Variants in ATP8A2 observed in about 807,000 individuals in gnomAD.
ATP8A2 encodes the protein phospholipid-transporting ATPase IB.
ATP8A2 carries 100 observed loss-of-function variants against 165.6 expected under a neutral mutation model. The observed-to-expected ratio is 0.60, with a 90% CI of 0.51 to 0.71. The LOEUF (loss-of-function observed/expected upper bound fraction) is 0.71. Among genes scored for constraint, ATP8A2 ranks in the 30% least tolerant of loss-of-function variants. ATP8A2 has a pLI of 0.00. For missense variants in ATP8A2, 1,227 were observed against 1,479.5 expected (o/e 0.83, Z 2.80); for synonymous variants, 543 against 548.8 (o/e 0.99, Z 0.15).
At chr13:25,711,166 A>G (rs2043150876) in intron 25 of ATP8A2, among the ~76,000 whole-genome samples, 1 of 152,006 alleles carries the variant, frequency 6.6e-6, no homozygotes, top group Non-Finnish European at 1.5e-5. Flanking sequence ...CACCACACCC[A>G]GCTAATTTTT....
intron 24 of ATP8A2, among the ~76,000 whole-genome samples, chr13:25,656,480 T>A (rs2041930032): frequency 6.6e-6 from 1 of 151,970 alleles, no homozygotes; most frequent in African/African-American, 2.4e-5. Flanking sequence ...TTGACCATGT[T>A]GGCCAGGCTG....
chr13:25,563,480 T>C (rs1244431576), intron 15 of ATP8A2, among the ~76,000 whole-genome samples: 2 of 152,226 alleles, frequency 1.3e-5, no homozygotes, highest in Non-Finnish European at 2.9e-5. Flanking sequence ...TTCTTCAATG[T>C]GATAGCTCAC....
chr13:25,824,261 T>C (rs1951253878), intron 27 of ATP8A2, among the ~76,000 whole-genome samples: 1 of 152,214 alleles, frequency 6.6e-6, no homozygotes, highest in Non-Finnish European at 1.5e-5. Flanking sequence ...CATGAGTCAC[T>C]GAACCCTGCT....
At chr13:25,996,627 G>T (rs1956511767) in intron 35 of ATP8A2, among the ~76,000 whole-genome samples, 1 of 152,080 alleles carries the variant, frequency 6.6e-6, no homozygotes, top group Non-Finnish European at 1.5e-5. Flanking sequence ...TGGCGTTCAA[G>T]CAATTCTCCT....
At chr13:25,379,783 C>T (rs191793003) in intron 1 of ATP8A2, among the ~76,000 whole-genome samples, 13 of 152,240 alleles carry the variant, frequency 8.5e-5, no homozygotes, top group African/African-American at 2.4e-4. Flanking sequence ...CCCAGCGTGC[C>T]GTGTCCCCAG....
At chr13:25,713,390 A>G (rs1431640816) in intron 25 of ATP8A2, among the ~76,000 whole-genome samples, 3 of 152,206 alleles carry the variant, frequency 2.0e-5, no homozygotes, top group African/African-American at 7.2e-5. Context: ...TGTGCATGAA[A>G]GGATATTGAT....
chr13:25,981,093 A>G (rs1286602821), intron 35 of ATP8A2, among the ~76,000 whole-genome samples: 3 of 152,164 alleles, frequency 2.0e-5, no homozygotes, highest in Non-Finnish European at 2.9e-5. Flanking sequence ...CTCTATATCT[A>G]GTTTACTTTT....
At chr13:25,644,920 T>G (rs948127169) in intron 24 of ATP8A2, among the ~76,000 whole-genome samples, 13 of 152,328 alleles carry the variant, frequency 8.5e-5, no homozygotes, top group African/African-American at 2.4e-4. Context: ...ATTGCTGATT[T>G]TATTTATTTT....
chr13:25,895,882 C>A (rs549873347), intron 33 of ATP8A2, among the ~76,000 whole-genome samples: 1 of 151,968 alleles, frequency 6.6e-6, no homozygotes, highest in African/African-American at 2.4e-5. Context: ...TGGTGATATC[C>A]CCTTTGTCAT....
intron 2 of ATP8A2, among the ~76,000 whole-genome samples, chr13:25,485,644 C>T (rs1274771960): frequency 1.3e-5 from 2 of 152,216 alleles, no homozygotes; most frequent in South Asian, 4.1e-4. Flanking sequence ...GATGATGGTT[C>T]TAGACTGTGG....
chr13:25,797,599 A>C (rs951149778), intron 27 of ATP8A2, among the ~76,000 whole-genome samples: 1 of 152,144 alleles, frequency 6.6e-6, no homozygotes, highest in African/African-American at 2.4e-5. Context: ...CCGTGTTCCC[A>C]CTTTTTTAGG....
chr13:25,521,646 A>G (rs1473472319), intron 2 of ATP8A2, among the ~76,000 whole-genome samples: 1 of 152,006 alleles, frequency 6.6e-6, no homozygotes, highest in South Asian at 2.1e-4. Context: ...TCCCCACTGT[A>G]TGTTCTTAGC....
intron 13 of ATP8A2, among the ~76,000 whole-genome samples, chr13:25,556,311 C>T (rs1410620770): frequency 6.6e-6 from 1 of 152,178 alleles, no homozygotes; most frequent in Non-Finnish European, 1.5e-5. Context: ...ACCATTCTGA[C>T]TGGTGTGAGA....
chr13:25,990,261 T>A (rs1281628700), intron 35 of ATP8A2, among the ~76,000 whole-genome samples: 78 of 108,220 alleles, frequency 7.2e-4, no homozygotes, highest in Non-Finnish European at 6.8e-4. Context: ...CATGTAACTG[T>A]AAAAAAAAAA....
At chr13:25,499,446 G>T (rs1020832588) in intron 2 of ATP8A2, among the ~76,000 whole-genome samples, 1 of 152,204 alleles carries the variant, frequency 6.6e-6, no homozygotes, top group Non-Finnish European at 1.5e-5. Flanking sequence ...TGTCATGTTT[G>T]GGGGGTTGAA....
chr13:25,754,442 G>C (rs998968906), intron 25 of ATP8A2, among the ~76,000 whole-genome samples: 1 of 151,452 alleles, frequency 6.6e-6, no homozygotes, highest in African/African-American at 2.4e-5. Flanking sequence ...AGGTTTTACT[G>C]ATATGAGCTA....
intron 1 of ATP8A2, among the ~76,000 whole-genome samples, chr13:25,450,514 A>G (rs2035184961): frequency 6.8e-6 from 1 of 147,882 alleles, no homozygotes; most frequent in Non-Finnish European, 1.5e-5. Context: ...ACCAAGAGCC[A>G]TTCTGACTGG....
intron 25 of ATP8A2, among the ~76,000 whole-genome samples, chr13:25,761,514 A>G (rs936768696): frequency 6.6e-6 from 1 of 152,100 alleles, no homozygotes; most frequent in Non-Finnish European, 1.5e-5. Flanking sequence ...AAAGTGATGC[A>G]CACCTGCGGC....
At chr13:25,645,959 G>A (rs4636766) in intron 24 of ATP8A2, among the ~76,000 whole-genome samples, 117,879 of 152,116 alleles carry the variant, frequency 0.77, 45,757 homozygotes, top group East Asian at 0.82. Context: ...TTTAAGTCCA[G>A]TGTTCCCTTA....
Sources: gnomAD v4.1 joint callset for allele counts (sites outside exome capture counted in the v4.1 genomes callset) on GRCh38, gnomAD v4.1.1 for gene constraint, MANE v1.5 for transcripts, NCBI Gene and HGNC (gene_info 2026-07-23, HGNC 2026-07-21) for gene names.